AGBL1: variants seen among roughly 807,000 people sequenced by gnomAD.
AGBL1 encodes the protein AGBL carboxypeptidase 1, also known as cytosolic carboxypeptidase 4.
In AGBL1, 130 loss-of-function variants were observed where a neutral mutation model predicts 118.9. The ratio of observed to expected loss-of-function variants is 1.09; its 90% CI spans 0.95 to 1.26. The LOEUF (loss-of-function observed/expected upper bound fraction) is 1.26, where lower values mean the gene tolerates loss of function less well. Ranked by LOEUF, AGBL1 falls within the 50% of genes most tolerant of loss-of-function variation. The pLI is 0.00. For synonymous variants in AGBL1, 555 were observed against 478.9 expected, an observed-to-expected ratio of 1.16 and a Z score of -2.08; for missense variants, 1,584 against 1,298.1, an observed-to-expected ratio of 1.22 and a Z score of -3.38.
At chr15:86,192,307 T>G (rs1282559313) in intron 5 of AGBL1, among the ~76,000 whole-genome samples, 1 of 149,974 alleles carries the variant, frequency 6.7e-6, no homozygotes, top group African/African-American at 2.4e-5. Flanking sequence ...TGGAGCATTT[T>G]ATTATATATT....
chr15:86,466,242 G>C (rs1264849835), intron 18 of AGBL1, among the ~76,000 whole-genome samples: 1 of 151,908 alleles, frequency 6.6e-6, no homozygotes, highest in Non-Finnish European at 1.5e-5. Flanking sequence ...TCATTAAGTT[G>C]ATCTTCAGTC....
chr15:86,539,454 C>A (rs2142237419), intron 19 of AGBL1, among the ~76,000 whole-genome samples: 1 of 152,324 alleles, frequency 6.6e-6, no homozygotes, highest in Non-Finnish European at 1.5e-5. Flanking sequence ...TCCCTCCCAT[C>A]TTAACACTTC....
At chr15:86,959,501 A>G (rs1174019788) in intron 23 of AGBL1, among the ~76,000 whole-genome samples, 1 of 152,038 alleles carries the variant, frequency 6.6e-6, no homozygotes, top group African/African-American at 2.4e-5. Context: ...TCTGTTTCTT[A>G]CTTAGAAGAG....
intron 1 of AGBL1, among the ~76,000 whole-genome samples, chr15:86,108,042 A>G (rs1897154352): frequency 6.6e-6 from 1 of 152,246 alleles, no homozygotes; most frequent in Non-Finnish European, 1.5e-5. Flanking sequence ...GGAGAGCCTC[A>G]TGCTACCATA....
chr15:86,224,668 G>A (rs890032059), intron 5 of AGBL1, among the ~76,000 whole-genome samples: 21 of 152,076 alleles, frequency 1.4e-4, no homozygotes, highest in African/African-American at 4.8e-4. Context: ...GGCAAGCAGG[G>A]GAGAGAAAGA....
rs141601081 is a variant in AGBL1, at chr15:86,943,753, T to C, written c.3222-44234T>C. ...TGGCACAGCTGCTGGCATTTCCCTA[T>C]GCAAGTTTTAGCTTGCTTATCTATG... is the stretch of plus-strand genomic sequence containing the variant. On this transcript the variant is annotated intron_variant, in intron 23 of 24. Coordinates refer to the AGBL1 transcript ENST00000441037. Among the ~76,000 whole-genome samples, 222 of 152,324 alleles carry C rather than the reference T, an allele frequency of 1.5e-3. 4 individuals are homozygous for C. In the East Asian group the frequency reaches 0.032, roughly 22 times the overall value.
intron 1 of AGBL1, among the ~76,000 whole-genome samples, chr15:86,110,961 A>G (rs17651993): frequency 0.031 from 4,654 of 152,336 alleles, 109 homozygotes; most frequent in Middle Eastern, 0.078. Context: ...TGTGCCACCC[A>G]GTATTGCTAC....
chr15:87,002,912 T>C (rs918778731), intron 24 of AGBL1, among the ~76,000 whole-genome samples: 9 of 152,242 alleles, frequency 5.9e-5, no homozygotes, highest in South Asian at 4.1e-4. Flanking sequence ...TATACAATCA[T>C]GTCATCTGCA....
At chr15:86,741,018 A>G (rs2077669840) in intron 22 of AGBL1, among the ~76,000 whole-genome samples, 1 of 151,940 alleles carries the variant, frequency 6.6e-6, no homozygotes, top group African/African-American at 2.4e-5. Context: ...CTTACTCTTT[A>G]TTTTGCCTGG....
At chr15:86,970,142 C>T (rs2081092336) in intron 23 of AGBL1, among the ~76,000 whole-genome samples, 1 of 151,832 alleles carries the variant, frequency 6.6e-6, no homozygotes, top group Non-Finnish European at 1.5e-5. Flanking sequence ...GGAAGTGGAG[C>T]CCAGGCCAAG....
intron 1 of AGBL1, among the ~76,000 whole-genome samples, chr15:86,130,124 G>A (rs1345678153): frequency 6.6e-6 from 1 of 152,038 alleles, no homozygotes; most frequent in Non-Finnish European, 1.5e-5. Context: ...TCTTTTATAT[G>A]TCTCACTCTA....
intron 21 of AGBL1, among the ~76,000 whole-genome samples, chr15:86,558,182 C>T (rs986613822): frequency 6.6e-5 from 10 of 152,124 alleles, no homozygotes; most frequent in East Asian, 5.8e-4. Context: ...CATCCATATA[C>T]GTAGTAGATG....
chr15:86,924,003 A>T (rs1442364071), intron 23 of AGBL1, among the ~76,000 whole-genome samples: 1 of 152,226 alleles, frequency 6.6e-6, no homozygotes. Flanking sequence ...GCATATATAC[A>T]TACAAAAGCA....
chr15:86,515,492 T>C (rs722978), intron 18 of AGBL1, among the ~76,000 whole-genome samples: 8,058 of 152,256 alleles, frequency 0.053, 766 homozygotes, highest in African/African-American at 0.18. Context: ...TTAATTATTA[T>C]AAAAATAATA....
intron 23 of AGBL1, among the ~76,000 whole-genome samples, chr15:86,947,417 G>A (rs150846022): frequency 0.012 from 1,821 of 152,184 alleles, 19 homozygotes; most frequent in South Asian, 0.025. Flanking sequence ...TAGATTTTAT[G>A]TCAGATATTT....
intron 22 of AGBL1, among the ~76,000 whole-genome samples, chr15:86,678,627 T>C (rs1044236028): frequency 1.3e-5 from 2 of 152,098 alleles, no homozygotes; most frequent in African/African-American, 2.4e-5. Flanking sequence ...TTATTGACAT[T>C]GAATATTTTT....
chr15:86,954,638 T>C (rs907176494), intron 23 of AGBL1, among the ~76,000 whole-genome samples: 3 of 152,068 alleles, frequency 2.0e-5, no homozygotes, highest in Non-Finnish European at 1.5e-5. Flanking sequence ...ATAGACGCTG[T>C]GGACTACTAG....
chr15:86,398,452 C>CA (rs2081399200), intron 18 of AGBL1, among the ~76,000 whole-genome samples: 1 of 151,744 alleles, frequency 6.6e-6, no homozygotes, highest in African/African-American at 2.4e-5. Flanking sequence ...AAACTGAAAA[C>CA]ATTGAAGGAA....
At chr15:86,279,907 C>G in intron 16 of AGBL1, 124 bp downstream of exon 16, 1 of 1,291,308 alleles carries the variant, frequency 7.7e-7, no homozygotes, top group Non-Finnish European at 1.1e-6. Flanking sequence ...GGAACTACAG[C>G]CTTCCTAAAG....
Sources: gnomAD v4.1 joint callset for allele counts (sites outside exome capture counted in the v4.1 genomes callset) on GRCh38, gnomAD v4.1.1 for gene constraint, MANE v1.5 for transcripts, NCBI Gene and HGNC (gene_info 2026-07-23, HGNC 2026-07-21) for gene names.